The following TRAPPC2L variants were observed in gnomAD, a reference collection of about 807,000 sequenced individuals.
TRAPPC2L encodes the protein trafficking protein particle complex subunit 2-like protein.
TRAPPC2L carries 17 observed loss-of-function variants against 13.2 expected under a neutral mutation model. The ratio of observed to expected loss-of-function variants is 1.29; its 90% CI spans 0.88 to 1.93. The LOEUF is 1.93. Ranked by LOEUF, TRAPPC2L falls within the 30% of genes most tolerant of loss-of-function variation. The pLI is 0.00. For synonymous variants in TRAPPC2L, 150 were observed against 98.1 expected, an observed-to-expected ratio of 1.53 and a Z score of -3.12; for missense variants, 359 against 252.1, an observed-to-expected ratio of 1.42 and a Z score of -2.87.
At chr16:88,857,381 C>T in intron 1 of TRAPPC2L, 198 bp downstream of exon 1, 1 of 530,054 alleles carries the variant, frequency 1.9e-6, no homozygotes, top group South Asian at 2.5e-5. Flanking sequence ...TCCGCGCTCG[C>T]CCGTCCCGCT....
intron 1 of TRAPPC2L, among the ~76,000 whole-genome samples, chr16:88,857,655 C>T (rs950432517): frequency 1.9e-4 from 29 of 152,376 alleles, no homozygotes; most frequent in African/African-American, 7.0e-4. Context: ...TCTGAATAAC[C>T]TGCTCTGGGA....
chr16:88,860,655 T>C (rs1968320288), exon 4 of TRAPPC2L: 4 of 598,002 alleles, frequency 6.7e-6, no homozygotes, highest in Non-Finnish European at 1.2e-5. Context: ...ACACCACCGC[T>C]CTGCCTGCCC....
At chr16:88,858,891 G>A in intron 2 of TRAPPC2L, 100 bp downstream of exon 2, 1 of 1,339,026 alleles carries the variant, frequency 7.5e-7, no homozygotes. Context: ...AAAGAGGTGA[G>A]AGTTTTTAGC....
chr16:88,857,751 G>A (rs938148937), intron 1 of TRAPPC2L, among the ~76,000 whole-genome samples: 3 of 152,188 alleles, frequency 2.0e-5, no homozygotes, highest in African/African-American at 7.2e-5. Context: ...TCTCACCTGT[G>A]GGCCTTTGCA....
At chr16:88,856,334 G>A (rs1306968387), upstream of TRAPPC2L, 5 of 702,612 alleles carry the variant, frequency 7.1e-6, no homozygotes, top group Non-Finnish European at 1.3e-5. Flanking sequence ...CAGGGCGGCA[G>A]GAGCAGCCTC....
At chr16:88,856,407 G>A, upstream of TRAPPC2L, 1 of 701,580 alleles carries the variant, frequency 1.4e-6, no homozygotes. Context: ...GGCGGGAAAG[G>A]TCAGACGGGG....
At chr16:88,857,060 A>C, upstream of TRAPPC2L, 1 of 1,474,526 alleles carries the variant, frequency 6.8e-7, no homozygotes, top group Non-Finnish European at 8.9e-7. Flanking sequence ...GCGGGGCCTG[A>C]GCCAGCTGTG....
At chr16:88,857,605 T>C (rs1207490943) in intron 1 of TRAPPC2L, among the ~76,000 whole-genome samples, 1 of 152,242 alleles carries the variant, frequency 6.6e-6, no homozygotes, top group African/African-American at 2.4e-5. Context: ...CGCCTCTGCC[T>C]GAGACCTCTG....
chr16:88,858,958 A>G (rs1968186149), intron 2 of TRAPPC2L, 167 bp downstream of exon 2: 4 of 684,752 alleles, frequency 5.8e-6, no homozygotes, highest in East Asian at 2.8e-5. Flanking sequence ...CTTCTCTTTC[A>G]TTGGAAGAGC....
chr16:88,861,579 G>C (rs755751233), exon 4 of TRAPPC2L: 1 of 469,562 alleles, frequency 2.1e-6, no homozygotes, highest in Non-Finnish European at 4.4e-6. Context: ...GCGCAGACTT[G>C]AGGCACCCCC....
chr16:88,860,168 G>A (rs942050507), exon 4 of TRAPPC2L: 27 of 712,494 alleles, frequency 3.8e-5, no homozygotes, highest in African/African-American at 7.0e-5. Context: ...GATCTCCAGC[G>A]CATAAAGTGG....
upstream of TRAPPC2L, chr16:88,856,600 T>TCCTCCTCCCCGCGCGGGGCCTCCCCCC (rs2143013266): frequency 6.3e-6 from 1 of 159,898 alleles, no homozygotes; most frequent in African/African-American, 1.1e-4. Flanking sequence ...CCCCTCCCCC[T>TCCTCCTCCCCGCGCGGGGCCTCCCCCC]CCTCCTCCCC....
At chr16:88,856,723 C>T (rs752837728), upstream of TRAPPC2L, 3 of 1,149,858 alleles carry the variant, frequency 2.6e-6, no homozygotes, top group African/African-American at 3.2e-5. Flanking sequence ...CCCCGCCCCA[C>T]CCCGGCCCTG....
At chr16:88,861,081 ATGTTC>A in exon 4 of TRAPPC2L, 1 of 927,788 alleles carries the variant, frequency 1.1e-6, no homozygotes, top group Non-Finnish European at 1.7e-6. Context: ...GCAGCTGTGC[ATGTTC>A]TCTCAACTAA....
upstream of TRAPPC2L, chr16:88,857,033 G>T: frequency 2.1e-6 from 3 of 1,418,566 alleles, no homozygotes; most frequent in Non-Finnish European, 2.7e-6. Flanking sequence ...GGCCTGGACT[G>T]CCTCGTGACC....
chr16:88,861,652 C>T (rs749383533), exon 4 of TRAPPC2L: 1 of 499,732 alleles, frequency 2.0e-6, no homozygotes, highest in Non-Finnish European at 4.1e-6. Flanking sequence ...CTGACTACCA[C>T]CCAGGGCAGC....
At chr16:88,859,358 C>A (rs1968211676) in intron 2 of TRAPPC2L, 2 of 686,702 alleles carry the variant, frequency 2.9e-6, no homozygotes, top group African/African-American at 1.8e-5. Context: ...ACTTTCCGGG[C>A]CAGGCATTGA....
chr16:88,857,336 C>A, intron 1 of TRAPPC2L, 153 bp downstream of exon 1: 1 of 683,972 alleles, frequency 1.5e-6, no homozygotes, highest in Non-Finnish European at 2.3e-6. Flanking sequence ...TCGCGGTGGA[C>A]GAGCCGCCAG....
At chr16:88,858,148 C>T (rs931721803) in intron 1 of TRAPPC2L, among the ~76,000 whole-genome samples, 1 of 152,172 alleles carries the variant, frequency 6.6e-6, no homozygotes, top group African/African-American at 2.4e-5. Flanking sequence ...TTCTGGGCTT[C>T]CAATGGTCAG....
Sources: gnomAD v4.1 joint callset for allele counts (sites outside exome capture counted in the v4.1 genomes callset) on GRCh38, gnomAD v4.1.1 for gene constraint, MANE v1.5 for transcripts, NCBI Gene and HGNC (gene_info 2026-07-23, HGNC 2026-07-21) for gene names.